PLA2R1: variants seen among roughly 807,000 people sequenced by gnomAD.
PLA2R1 encodes the protein secretory phospholipase A2 receptor.
In PLA2R1, 158 loss-of-function variants were observed where a neutral mutation model predicts 195.9. That is an observed-to-expected ratio of 0.81 (90% confidence interval 0.71 to 0.92). PLA2R1 has a LOEUF of 0.92. PLA2R1 is among the 40% of genes least tolerant of loss of function. The probability of loss-of-function intolerance (pLI) is 0.00; values close to 1 mark genes in which losing one functional copy is unlikely to be tolerated. For missense variants in PLA2R1, 1,626 were observed against 1,764.6 expected (o/e 0.92, Z 1.41); for synonymous variants, 586 against 598.2 (o/e 0.98, Z 0.30).
intron 3 of PLA2R1, among the ~76,000 whole-genome samples, chr2:160,034,144 C>T (rs1486065891): frequency 6.6e-6 from 1 of 152,200 alleles, no homozygotes; most frequent in Non-Finnish European, 1.5e-5. Context: ...ATTTAGTGTA[C>T]TTCAAACTTA....
At chr2:160,056,969 G>A (rs533608316) in intron 1 of PLA2R1, among the ~76,000 whole-genome samples, 1 of 152,204 alleles carries the variant, frequency 6.6e-6, no homozygotes, top group Admixed American at 6.5e-5. Flanking sequence ...CTACTCTGGT[G>A]GTCTATACCA....
intron 24 of PLA2R1, among the ~76,000 whole-genome samples, chr2:159,950,970 C>T (rs773432112): frequency 2.7e-4 from 41 of 152,144 alleles, no homozygotes; most frequent in African/African-American, 7.2e-4. Context: ...AAGCATGATT[C>T]GTTTTTTCTT....
chr2:159,989,013 CT>C (rs1436043905), intron 11 of PLA2R1, among the ~76,000 whole-genome samples: 1 of 152,208 alleles, frequency 6.6e-6, no homozygotes, highest in Non-Finnish European at 1.5e-5. Flanking sequence ...GAAGAACCCC[CT>C]GGGCCTCTGT....
chr2:159,991,001 G>C (rs1379032490), intron 11 of PLA2R1, among the ~76,000 whole-genome samples: 3 of 152,222 alleles, frequency 2.0e-5, no homozygotes, highest in Non-Finnish European at 4.4e-5. Flanking sequence ...CAGAGGCTTA[G>C]TAACTTGCCA....
downstream of PLA2R1, among the ~76,000 whole-genome samples, chr2:159,927,659 A>G (rs974386108): frequency 1.3e-5 from 2 of 152,232 alleles, no homozygotes; most frequent in African/African-American, 4.8e-5. Context: ...AAATGCAACT[A>G]TATCTCACCT....
intron 4 of PLA2R1, among the ~76,000 whole-genome samples, chr2:160,031,920 C>T (rs777542124): frequency 6.6e-6 from 1 of 152,152 alleles, no homozygotes; most frequent in Non-Finnish European, 1.5e-5. Flanking sequence ...GTGCATGCCA[C>T]CACGTCCGGC....
At chr2:159,988,308 C>T (rs1383735961) in intron 11 of PLA2R1, among the ~76,000 whole-genome samples, 1 of 150,614 alleles carries the variant, frequency 6.6e-6, no homozygotes, top group African/African-American at 2.4e-5. Flanking sequence ...TCATCAACAA[C>T]AATAAAAAAT....
chr2:160,055,307 G>A (rs1456850695), intron 1 of PLA2R1, among the ~76,000 whole-genome samples: 2 of 152,166 alleles, frequency 1.3e-5, no homozygotes, highest in Non-Finnish European at 2.9e-5. Context: ...AGTCAAGAAG[G>A]CTGGCATGAT....
chr2:159,942,490 G>A (rs914628675), intron 28 of PLA2R1, among the ~76,000 whole-genome samples: 14 of 152,094 alleles, frequency 9.2e-5, no homozygotes, highest in African/African-American at 3.4e-4. Context: ...AAGCCAAGAA[G>A]TTTCTATTCA....
rs80154749 is a variant in PLA2R1, at chr2:159,988,156, CAAAA to C, written c.1835-802_1835-799del. On this transcript the variant is annotated intron_variant, in intron 11 of 29. Transcript: ENST00000283243. ...AAAATCTATACAACTCATATGACAG[CAAAA>C]AAAAAAAAAAATACACTTCAAATTT... is the stretch of plus-strand genomic sequence containing the variant. 1.4e-3 allele frequency among the ~76,000 whole-genome samples: 199 copies of C among 146,178 alleles called. 1 individual carries two copies. The highest frequency in any genetic ancestry group is 2.6e-3 in the African/African-American group (104 of 40,122).
downstream of PLA2R1, among the ~76,000 whole-genome samples, chr2:159,929,729 T>C (rs1199028772): frequency 6.6e-6 from 1 of 152,146 alleles, no homozygotes; most frequent in Admixed American, 6.6e-5. Context: ...CAATTCGCAA[T>C]TGCAAAAATG....
At chr2:160,006,433 C>T (rs1691991686) in intron 10 of PLA2R1, among the ~76,000 whole-genome samples, 1 of 152,150 alleles carries the variant, frequency 6.6e-6, no homozygotes, top group South Asian at 2.1e-4. Flanking sequence ...AATGTGAAAG[C>T]CTAGGAACTA....
At chr2:160,010,352 A>T (rs1392956951) in intron 10 of PLA2R1, among the ~76,000 whole-genome samples, 1 of 152,222 alleles carries the variant, frequency 6.6e-6, no homozygotes, top group Non-Finnish European at 1.5e-5. Context: ...AAATTTTGTA[A>T]CAATCAGCAA....
At chr2:159,954,322 T>C (rs1210525051) in intron 23 of PLA2R1, among the ~76,000 whole-genome samples, 1 of 151,854 alleles carries the variant, frequency 6.6e-6, no homozygotes, top group Non-Finnish European at 1.5e-5. Flanking sequence ...GCTCTGCTGT[T>C]CCCATATTAC....
chr2:160,020,594 TG>T (rs1693043622), intron 7 of PLA2R1, among the ~76,000 whole-genome samples: 1 of 152,086 alleles, frequency 6.6e-6, no homozygotes, highest in Non-Finnish European at 1.5e-5. Flanking sequence ...CTAGTTCTCA[TG>T]GGAATGGTAC....
intron 11 of PLA2R1, among the ~76,000 whole-genome samples, chr2:159,994,890 T>C (rs1015265586): frequency 6.6e-6 from 1 of 151,754 alleles, no homozygotes; most frequent in African/African-American, 2.4e-5. Flanking sequence ...TTTGGGTGGT[T>C]CTGAGTGTTC....
rs139530542 is a variant in PLA2R1 at position 159,977,370 on chromosome 2, C to G, written c.2315G>C (p.Arg772Thr). 21 of 1,612,578 alleles carry G rather than the reference C, an allele frequency of 1.3e-5. No individual in the cohort carries two copies. In the African/African-American group the frequency reaches 2.5e-4, roughly 19 times the overall value. The change falls in exon 15 of 30, where the codon AGA becomes ACA. Residue 772 changes from arginine to threonine, a missense_variant. Coordinates refer to ENST00000283243, the MANE Select transcript of PLA2R1 (RefSeq NM_007366.5). ...LDNTYFGEDARNCAVYKANKT... is the reference protein window; with the variant it reads ...LDNTYFGEDATNCAVYKANKT... ...GTTTGCCTTATAAACAGCACAGTTTCTTGCATCTTCTCCAAAATAAGTGTT... is the reference window on the plus strand; with the variant it reads ...GTTTGCCTTATAAACAGCACAGTTTGTTGCATCTTCTCCAAAATAAGTGTT...
At chr2:160,051,020 A>G (rs953072902) in intron 1 of PLA2R1, among the ~76,000 whole-genome samples, 1 of 152,230 alleles carries the variant, frequency 6.6e-6, no homozygotes, top group Non-Finnish European at 1.5e-5. Flanking sequence ...AGTGAGTAAG[A>G]TAAGATTTGT....
At chr2:159,953,170 A>G (rs1326633414) in intron 23 of PLA2R1, among the ~76,000 whole-genome samples, 1 of 152,212 alleles carries the variant, frequency 6.6e-6, no homozygotes, top group Non-Finnish European at 1.5e-5. Context: ...CTCCATATGT[A>G]ATTGATTCCA....
Sources: allele counts gnomAD v4.1 joint callset (sites outside exome capture counted in the v4.1 genomes callset), GRCh38; gene constraint gnomAD v4.1.1; transcripts MANE v1.5; gene names NCBI Gene and HGNC (gene_info 2026-07-23, HGNC 2026-07-21).